The following NEB variants were observed in gnomAD, a reference collection of about 807,000 sequenced individuals.
The protein encoded by NEB is nebulin.
NEB carries 512 observed loss-of-function variants against 952.2 expected under a neutral mutation model. That is an observed-to-expected ratio of 0.54 (90% CI 0.50 to 0.58). NEB has a LOEUF of 0.58. NEB is among the 20% of genes least tolerant of loss of function. The pLI is 0.00. For synonymous variants in NEB, 2,900 were observed against 3,149.8 expected (o/e 0.92, Z 2.66); for missense variants, 8,428 against 9,231.1 (o/e 0.91, Z 3.56).
intron 120 of NEB, 93 bp from the exon 121 acceptor site, chr2:151,562,307 T>C (rs2096118512): frequency 1.8e-6 from 2 of 1,134,448 alleles, no homozygotes; most frequent in African/African-American, 1.5e-5. Context: ...GCTGTGCTTA[T>C]TGCTTAGAAG....
rs531314016 is a variant in NEB, at chr2:151,501,256, C to CAGA, written c.24021+132_24021+134dup. On this transcript the variant is annotated intron_variant, in intron 168 of 181. Coordinates refer to ENST00000397345, the MANE Select transcript of NEB (RefSeq NM_001164508.2). ...AATGGTGAGTAGGAGATCTGGAAAA[C>CAGA]AGAAGGATTCAGTTGATGTGATTAA... is the stretch of plus-strand genomic sequence containing the variant. 390 of 553,752 alleles carry CAGA rather than the reference C, an allele frequency of 7.0e-4. 3 individuals are homozygous for CAGA. The East Asian group carries it at 8.5e-3, about 12-fold the overall frequency. The allele number at this position is 553,752 out of a possible 1,614,324, so 34.3% of individuals were successfully genotyped here.
intron 164 of NEB, 98 bp from the exon 165 acceptor site, chr2:151,505,668 A>C: frequency 1.0e-6 from 1 of 996,250 alleles, no homozygotes; most frequent in African/African-American, 1.6e-5. Flanking sequence ...AAATTAAAAA[A>C]ATTAACAGTG....
chr2:151,510,657 ATTAG>A (rs1443136552), intron 161 of NEB, among the ~76,000 whole-genome samples: 22 of 152,282 alleles, frequency 1.4e-4, no homozygotes, highest in South Asian at 2.1e-4. Flanking sequence ...GTTCTATTTT[ATTAG>A]TTATTGTTGT....
At chr2:151,578,958 G>C (rs1250673648) in intron 105 of NEB, among the ~76,000 whole-genome samples, 1 of 151,394 alleles carries the variant, frequency 6.6e-6, no homozygotes. Flanking sequence ...GCACATGCCT[G>C]TAATCCCAGC....
In NEB at chr2:151,684,839, C is replaced by A. The variant is rs764632826; in HGVS notation, c.2774G>T (p.Ser925Ile). Residue 925 changes from serine (S) to isoleucine (I), a missense_variant, in exon 28 of 182, where the codon AGC becomes ATC. This residue lies in a region of NEB where 2,851 missense variants were observed against 2,791.5 expected (regional missense o/e 1.02). Transcript: ENST00000397345. ...CACATTGATGCTATCAGGGGGGTAG[C>A]TGTAACTGTGTAAGATGTGCTTATA... ...VDYKHILHSY[S>I]YPPDSINVDL... 6.2e-7 allele frequency: 1 copy of A among 1,613,248 alleles called. No individual in the cohort carries two copies. The highest frequency in any genetic ancestry group is 1.3e-5 in the African/African-American group (1 of 74,902).
At chr2:151,723,729 G>T (rs2099781404) in intron 8 of NEB, among the ~76,000 whole-genome samples, 1 of 126,458 alleles carries the variant, frequency 7.9e-6, no homozygotes, top group Admixed American at 7.8e-5. Flanking sequence ...ACTTTTCTCT[G>T]TGACTCTACC....
chr2:151,619,326 C>A, intron 73 of NEB, 125 bp downstream of exon 73: 1 of 1,107,018 alleles, frequency 9.0e-7, no homozygotes, highest in Non-Finnish European at 1.3e-6. Context: ...AAACTCCTTT[C>A]AGACATTTAA....
rs568392776 is a variant in NEB at position 151,650,046 on chromosome 2, C to T, written c.7431+130G>A. On this transcript the variant is annotated intron_variant, in intron 54 of 181. Transcript: ENST00000397345. ...AGTTGCTAATTCAAATAAAATGATC[C>T]AATATAAAATTTTATGTGGTGATGT... is the stretch of plus-strand genomic sequence containing the variant. 13 of 829,344 alleles carry T rather than the reference C, an allele frequency of 1.6e-5. No individual in the cohort carries two copies. The South Asian group carries it at 2.3e-4, about 15-fold the overall frequency. 51.4% of individuals were successfully genotyped at this position (829,344 alleles called of 1,614,324 possible).
intron 40 of NEB, among the ~76,000 whole-genome samples, chr2:151,666,774 C>T (rs1488405452): frequency 2.0e-5 from 3 of 151,928 alleles, no homozygotes; most frequent in African/African-American, 7.3e-5. Context: ...TGCAATGGTG[C>T]AGTCATGACT....
intron 52 of NEB, among the ~76,000 whole-genome samples, chr2:151,653,756 G>A (rs1335005930): frequency 6.6e-6 from 1 of 152,090 alleles, no homozygotes; most frequent in Admixed American, 6.5e-5. Context: ...TCCAAGTAGA[G>A]CATCTTACTC....
At chr2:151,499,185 A>AAAGAC in intron 169 of NEB, 113 bp downstream of exon 169, 2 of 560,412 alleles carry the variant, frequency 3.6e-6, no homozygotes, top group East Asian at 6.4e-5. Flanking sequence ...AAGTTGGGAA[A>AAAGAC]AAGACAGGTC....
chr2:151,557,015 T>C (rs1376349614), intron 124 of NEB, among the ~76,000 whole-genome samples: 1 of 151,836 alleles, frequency 6.6e-6, no homozygotes, highest in African/African-American at 2.4e-5. Context: ...ATAATTAAGA[T>C]CAGAGCAGAA....
chr2:151,637,625 G>C (rs959770822), intron 63 of NEB, among the ~76,000 whole-genome samples: 2 of 152,148 alleles, frequency 1.3e-5, no homozygotes, highest in South Asian at 4.1e-4. Context: ...CCGAGTAGCC[G>C]CACTAACACA....
At chr2:151,498,208 C>G in intron 170 of NEB, 52 bp downstream of exon 170, 2 of 1,549,262 alleles carry the variant, frequency 1.3e-6, no homozygotes, top group Non-Finnish European at 1.7e-6. Context: ...ATGTAAAGAT[C>G]AGTTTAATTC....
At chr2:151,692,001 T>C (rs766502846) in intron 22 of NEB, 33 bp from the exon 23 acceptor site, 7 of 1,608,536 alleles carry the variant, frequency 4.4e-6, no homozygotes, top group Non-Finnish European at 6.0e-6. Flanking sequence ...TAGATCATGA[T>C]TGTTATGGCT....
At chr2:151,670,919 C>T in intron 38 of NEB, 104 bp downstream of exon 38, 1 of 1,221,014 alleles carries the variant, frequency 8.2e-7, no homozygotes, top group Non-Finnish European at 1.2e-6. Flanking sequence ...AGTTTATTTG[C>T]TAACATAGAT....
chr2:151,665,207 C>T lies in NEB; in HGVS notation c.5238+126G>A, dbSNP rs2099199124. On this transcript the variant is annotated intron_variant, in intron 42 of 181. Transcript: ENST00000397345. ...AAACATAATGGAAGCAATAGAGTCC[C>T]CCTCCCACCACCGGCACGAAGACGA... The T allele has an allele frequency of 4.7e-6, 4 of 852,258 alleles. No individual in the cohort carries two copies. The African/African-American group carries it at 6.8e-5, about 15-fold the overall frequency. 52.8% of individuals were successfully genotyped at this position (852,258 alleles called of 1,614,324 possible). A position where few individuals can be genotyped will look rare whatever the true frequency, so the allele number is the denominator to read the frequency against.
At chr2:151,532,773 G>C (rs1467470113) in intron 143 of NEB, among the ~76,000 whole-genome samples, 1 of 151,880 alleles carries the variant, frequency 6.6e-6, no homozygotes, top group Non-Finnish European at 1.5e-5. Context: ...GGGAAAAATG[G>C]TATTATTACT....
chr2:151,505,385 C>A, intron 165 of NEB, 93 bp downstream of exon 165: 1 of 1,088,370 alleles, frequency 9.2e-7, no homozygotes, highest in Non-Finnish European at 1.4e-6. Flanking sequence ...GGCATGGAAG[C>A]TCTTGATAGG....
Sources: gnomAD v4.1 joint callset for allele counts (sites outside exome capture counted in the v4.1 genomes callset) on GRCh38, gnomAD v4.1.1 for gene constraint, gnomAD v4.1.1 regional missense constraint, MANE v1.5 for transcripts, NCBI Gene and HGNC (gene_info 2026-07-23, HGNC 2026-07-21) for gene names.